DCAF15: variants seen among roughly 807,000 people sequenced by gnomAD.
DCAF15 encodes the protein DDB1- and CUL4-associated factor 15.
DCAF15 carries 24 observed loss-of-function variants against 68.0 expected under a neutral mutation model. The ratio of observed to expected loss-of-function variants is 0.35; its 90% confidence interval spans 0.26 to 0.50. DCAF15 has a LOEUF of 0.50. Among genes scored for constraint, DCAF15 ranks in the 20% least tolerant of loss-of-function variants. The probability of loss-of-function intolerance (pLI) is 0.98; values close to 1 mark genes in which losing one functional copy is unlikely to be tolerated. For synonymous variants in DCAF15, 376 were observed against 341.6 expected (o/e 1.10, Z -1.11); for missense variants, 627 against 830.6 (o/e 0.75, Z 3.01).
rs758273477 is a variant in DCAF15 at position 13,956,097 on chromosome 19, G to A, written c.474-26G>A. ...TGGGGGCCCCCCAGGCGCCGACCAGGCAGCTGAGGGTATGCTGGCCCCCAG... is the reference window on the plus strand; with the variant it reads ...TGGGGGCCCCCCAGGCGCCGACCAGACAGCTGAGGGTATGCTGGCCCCCAG... On this transcript the variant is annotated intron_variant, in intron 4 of 12. Coordinates refer to ENST00000254337, the MANE Select transcript of DCAF15 (RefSeq NM_138353.4). 57 of 1,610,192 alleles carry A rather than the reference G, an allele frequency of 3.5e-5. No homozygotes were observed. The South Asian group carries it at 5.7e-4, about 16-fold the overall frequency.
chr19:13,960,784 A>G (rs1973594857), intron 12 of DCAF15, among the ~76,000 whole-genome samples, 156 bp from the exon 13 acceptor site: 1 of 152,120 alleles, frequency 6.6e-6, no homozygotes, highest in Admixed American at 6.5e-5. Context: ...CATTCACGCT[A>G]CATTTATTGG....
chr19:13,955,023 CT>C (rs558873120), intron 3 of DCAF15, among the ~76,000 whole-genome samples: 1 of 150,492 alleles, frequency 6.6e-6, no homozygotes, highest in Non-Finnish European at 1.5e-5. Context: ...GGAGGATCAC[CT>C]GAGCCCAAGA....
Position 13,955,906 on chromosome 19 carries a change from T to C in DCAF15, c.367-6T>C, listed in dbSNP as rs777112520. ...ACCCGGTGCTGCCCCTGAACGTGCC[T>C]CACAGGTCCGGCAGGTTCGGCTATT... is the stretch of plus-strand genomic sequence containing the variant. On this transcript the variant is annotated splice_region_variant and splice_polypyrimidine_tract_variant and intron_variant, in intron 3 of 12. Transcript: ENST00000254337. The C allele has an allele frequency of 1.2e-6, 2 of 1,613,442 alleles. No homozygotes were observed. The highest frequency in any genetic ancestry group is 1.7e-6 in the Non-Finnish European group (2 of 1,179,932).
In DCAF15 at chr19:13,956,468, C is replaced by T; in HGVS notation, c.730C>T (p.Leu244=). ...AFQLKKDQVV[L]LNTSYSLVAC... is the part of the protein sequence containing the mutation. ...CCAGCTCAAGAAGGACCAGGTGGTG[C>T]TGCTCAACACCAGCTACTCCCTGGT... is the stretch of plus-strand genomic sequence containing the variant. The change falls in exon 6 of 13, where the codon CTG becomes TTG. Residue 244 remains leucine, a synonymous_variant. Coordinates refer to ENST00000254337, the MANE Select transcript of DCAF15 (RefSeq NM_138353.4). The T allele has an allele frequency of 6.2e-7, 1 of 1,613,680 alleles. No individual in the cohort carries two copies. Among genetic ancestry groups the T allele is most frequent in the East Asian group, 2.2e-5 (1 of 44,888 alleles).
rs1275199370 is a variant in DCAF15 at position 13,961,202 on chromosome 19, G to T, written c.*207G>T. 8 of 631,494 alleles carry T rather than the reference G, an allele frequency of 1.3e-5. No homozygotes were observed. Among genetic ancestry groups the T allele is most frequent in the Non-Finnish European group, 1.9e-5 (7 of 362,956 alleles). The allele number at this position is 631,494 out of a possible 1,614,324, so 39.1% of individuals were successfully genotyped here. A position where few individuals can be genotyped will look rare whatever the true frequency, so the allele number is the denominator to read the frequency against. On this transcript the variant is annotated 3_prime_UTR_variant, in exon 13 of 13. Transcript: ENST00000254337. ...TTATGCCTATTTAAGTTGGGAAGGG[G>T]CAGAGAGAGGGCGCCCCCTGCCCCA... is the stretch of plus-strand genomic sequence containing the variant.
Position 13,959,909 on chromosome 19 carries a change from G to GGGCAGGGTGGGCCCAGGGCA in DCAF15, c.1440+33_1440+34insAGGCAGGGTGGGCCCAGGGC, listed in dbSNP as rs1568450992. 7 of 1,610,526 alleles carry GGGCAGGGTGGGCCCAGGGCA rather than the reference G, an allele frequency of 4.3e-6. No individual in the cohort carries two copies. The highest frequency in any genetic ancestry group is 1.1e-5 in the South Asian group (1 of 91,030). On this transcript the variant is annotated intron_variant, in intron 9 of 12. Coordinates refer to ENST00000254337, the MANE Select transcript of DCAF15 (RefSeq NM_138353.4). ...GTCATTCTGGAGGTGGGCCCAGGGC[G>GGGCAGGGTGGGCCCAGGGCA]GGCAGGGTGGGCCCAGGGCCTCCTG...
chr19:13,956,471 C>T lies in DCAF15; in HGVS notation c.733C>T (p.Leu245Phe). Residue 245 changes from leucine to phenylalanine, a missense_variant, in exon 6 of 13, where the codon CTC (leucine) becomes TTC (phenylalanine). Transcript: ENST00000254337. ...FQLKKDQVVL[L>F]NTSYSLVACA... ...GCTCAAGAAGGACCAGGTGGTGCTG[C>T]TCAACACCAGCTACTCCCTGGTGGC... 1 of 1,613,666 alleles carries T rather than the reference C, an allele frequency of 6.2e-7. No homozygotes were observed. Among genetic ancestry groups the T allele is most frequent in the Non-Finnish European group, 8.5e-7 (1 of 1,180,018 alleles).
In DCAF15 at chr19:13,954,555, G is replaced by A; in HGVS notation, c.260G>A (p.Gly87Asp). The A allele has an allele frequency of 6.2e-7, 1 of 1,614,218 alleles. No individual in the cohort carries two copies. Among genetic ancestry groups the A allele is most frequent in the Non-Finnish European group, 8.5e-7 (1 of 1,180,034 alleles). The part of the protein sequence containing the change: ...GHIFLGFSKC[G>D]RYVLSYTSSS... ...ATCTTCCTGGGCTTTTCCAAATGCG[G>A]CCGCTACGTCCTCTCCTACACCAGC... Residue 87 changes from glycine (G) to aspartate (D), a missense_variant, in exon 3 of 13, where the codon GGC becomes GAC. Around this residue, in one of 3 missense-constraint regions of DCAF15, gnomAD observed 273 missense variants for 393.7 expected, o/e 0.69. Transcript: ENST00000254337.
rs188250609 is a variant in DCAF15 at position 13,954,922 on chromosome 19, A to G, written c.366+261A>G. 2.1e-3 allele frequency among the ~76,000 whole-genome samples: 314 copies of G among 152,214 alleles called. 2 individuals are homozygous for G. The highest frequency in any genetic ancestry group is 3.7e-3 in the Non-Finnish European group (251 of 68,014). On this transcript the variant is annotated intron_variant, in intron 3 of 12. Transcript: ENST00000254337. ...GTAGTTCAAGACCAGGCTGGGCAAC[A>G]TGGCAAAACCCTGTCTCTACTAAAA...
chr19:13,961,117 C>T lies in DCAF15; in HGVS notation c.*122C>T. 4.1e-6 allele frequency: 5 copies of T among 1,227,754 alleles called. No homozygotes were observed. The highest frequency in any genetic ancestry group is 2.3e-4 in the Middle Eastern group (1 of 4,384). The allele number at this position is 1,227,754 out of a possible 1,614,324, so 76.1% of individuals were successfully genotyped here. On this transcript the variant is annotated 3_prime_UTR_variant, in exon 13 of 13. Coordinates refer to ENST00000254337, the MANE Select transcript of DCAF15 (RefSeq NM_138353.4). The stretch of plus-strand genomic sequence containing the variant: ...ACTGATGACCGGCACTAGTGTTAGC[C>T]TGCGGAACGGGGCTGGGCAGGGCAG...
At chr19:13,957,011 C>T (rs1973391394) in intron 6 of DCAF15, among the ~76,000 whole-genome samples, 1 of 152,250 alleles carries the variant, frequency 6.6e-6, no homozygotes, top group Non-Finnish European at 1.5e-5. Flanking sequence ...TCACCTTGGC[C>T]TCCCAAAGTG....
chr19:13,953,097 C>G (rs1293155679), intron 1 of DCAF15: 8 of 1,550,784 alleles, frequency 5.2e-6, no homozygotes, highest in Non-Finnish European at 7.0e-6. Context: ...CCCGACCACA[C>G]ATGAGCTGGG....
rs749344743 is a variant in DCAF15 at position 13,956,460 on chromosome 19, A to G, written c.722A>G (p.Gln241Arg). The stretch of plus-strand genomic sequence containing the variant: ...CCCGCCTTCCAGCTCAAGAAGGACC[A>G]GGTGGTGCTGCTCAACACCAGCTAC... ...FQPAFQLKKDQVVLLNTSYSL... is the reference protein window; with the variant it reads ...FQPAFQLKKDRVVLLNTSYSL... Residue 241 changes from glutamine to arginine, a missense_variant, in exon 6 of 13, where the codon CAG (glutamine) becomes CGG (arginine). Around this residue, in one of 3 missense-constraint regions of DCAF15, gnomAD observed 273 missense variants for 393.7 expected, o/e 0.69. Transcript: ENST00000254337. 3 of 1,613,782 alleles carry G rather than the reference A, an allele frequency of 1.9e-6. No individual in the cohort carries two copies. The highest frequency in any genetic ancestry group is 1.7e-5 in the Admixed American group (1 of 60,036).
At chr19:13,958,771 A>G (rs1198414239) in intron 6 of DCAF15, among the ~76,000 whole-genome samples, 1 of 152,094 alleles carries the variant, frequency 6.6e-6, no homozygotes, top group African/African-American at 2.4e-5. Flanking sequence ...CCCTCAGGGC[A>G]GGGTTCTGTC....
chr19:13,955,776 GT>G, intron 3 of DCAF15, 135 bp from the exon 4 acceptor site: 1 of 804,278 alleles, frequency 1.2e-6, no homozygotes, highest in Non-Finnish European at 2.0e-6. Context: ...CTCAGGCAAG[GT>G]GGAGGGGTGT....
intron 1 of DCAF15, 72 bp downstream of exon 1, chr19:13,952,716 G>A (rs996428223): frequency 1.2e-4 from 158 of 1,305,676 alleles, no homozygotes; most frequent in Non-Finnish European, 1.5e-4. Context: ...GGAGGGAGGA[G>A]GGCGTTCGCG....
chr19:13,960,963 G>C lies in DCAF15; in HGVS notation c.1771G>C (p.Asp591His). ...AGGGTGCTCCCTGAAGGTTCTGGCG[G>C]ACAGCGAGCGATATACGTGGATCGT... ...HKGCSLKVLA[D>H]SERYTWIVL Residue 591 changes from aspartate (D) to histidine (H), a missense_variant, in exon 13 of 13, where the codon GAC becomes CAC. Transcript: ENST00000254337. 6.2e-7 allele frequency: 1 copy of C among 1,613,964 alleles called. No homozygotes were observed. The highest frequency in any genetic ancestry group is 8.5e-7 in the Non-Finnish European group (1 of 1,180,012).
Position 13,955,792 on chromosome 19 carries a change from G to C in DCAF15, c.367-120G>C, listed in dbSNP as rs1051693731. 9 of 875,030 alleles carry C rather than the reference G, an allele frequency of 1.0e-5. No individual in the cohort carries two copies. In the African/African-American group the frequency reaches 1.5e-4, roughly 14 times the overall value. The allele number at this position is 875,030 out of a possible 1,614,324, so 54.2% of individuals were successfully genotyped here. A position where few individuals can be genotyped will look rare whatever the true frequency, so the allele number is the denominator to read the frequency against. Reference sequence around the variant, plus strand: ...TCAGGCAAGGTGGAGGGGTGTGGCGGGTGCTGTTGGGGTGCTCCTACCCGC... The same window carrying C: ...TCAGGCAAGGTGGAGGGGTGTGGCGCGTGCTGTTGGGGTGCTCCTACCCGC... On this transcript the variant is annotated intron_variant, in intron 3 of 12. Transcript: ENST00000254337.
rs969291781 is a variant in DCAF15, at chr19:13,961,323, C to G, written c.*328C>G. The G allele has an allele frequency of 5.0e-6, 2 of 399,760 alleles. No homozygotes were observed. The highest frequency in any genetic ancestry group is 4.0e-5 in the African/African-American group (2 of 49,550). 24.8% of individuals were successfully genotyped at this position (399,760 alleles called of 1,614,324 possible). ...CGGCTACAGCTGTGGACGTTGCCCT[C>G]GGGGAGGTCGAATGGACCCCATTCC... On this transcript the variant is annotated 3_prime_UTR_variant, in exon 13 of 13. Coordinates refer to ENST00000254337, the MANE Select transcript of DCAF15 (RefSeq NM_138353.4).
Sources: allele counts gnomAD v4.1 joint callset (sites outside exome capture counted in the v4.1 genomes callset), GRCh38; gene constraint gnomAD v4.1.1; regional missense constraint gnomAD v4.1.1; transcripts MANE v1.5; gene names NCBI Gene and HGNC (gene_info 2026-07-23, HGNC 2026-07-21).